CHP1: variants seen among roughly 807,000 people sequenced by gnomAD.
CHP1 encodes calcineurin B homologous protein 1.
In CHP1, 11 loss-of-function variants were observed where a neutral mutation model predicts 27.4. The observed-to-expected ratio is 0.40, with a 90% CI of 0.25 to 0.67. The LOEUF is 0.67. Ranked by LOEUF, CHP1 falls within the 30% of genes least tolerant of loss-of-function variation. The pLI is 0.38. For missense variants in CHP1, 169 were observed against 251.3 expected (o/e 0.67, Z 2.22); for synonymous variants, 89 against 87.4 (o/e 1.02, Z -0.10).
intron 5 of CHP1, among the ~76,000 whole-genome samples, chr15:41,275,716 C>T (rs1220960540): frequency 6.6e-6 from 1 of 152,048 alleles, no homozygotes; most frequent in East Asian, 1.9e-4. Flanking sequence ...GTACTATAGG[C>T]ATGCACTACC....
At chr15:41,269,019 G>T (rs1481026333) in intron 4 of CHP1, among the ~76,000 whole-genome samples, 2 of 151,572 alleles carry the variant, frequency 1.3e-5, no homozygotes, top group African/African-American at 4.9e-5. Flanking sequence ...CACCAGCCTG[G>T]GCAACACAGT....
At chr15:41,235,819 C>T (rs2047273979) in intron 1 of CHP1, among the ~76,000 whole-genome samples, 2 of 152,176 alleles carry the variant, frequency 1.3e-5, no homozygotes, top group Non-Finnish European at 2.9e-5. Context: ...TTTCTCGTGC[C>T]TCCAAATGTA....
chr15:41,272,731 A>G (rs1242104049), intron 5 of CHP1, among the ~76,000 whole-genome samples: 2 of 152,040 alleles, frequency 1.3e-5, no homozygotes, highest in Non-Finnish European at 2.9e-5. Flanking sequence ...ACACCTGTCA[A>G]TCTTATAGAA....
intron 5 of CHP1, among the ~76,000 whole-genome samples, chr15:41,275,787 C>G (rs1468178476): frequency 6.6e-6 from 1 of 152,030 alleles, no homozygotes; most frequent in Non-Finnish European, 1.5e-5. Context: ...GCAATTTTGG[C>G]TCACCACAAC....
intron 3 of CHP1, 87 bp downstream of exon 3, chr15:41,257,077 C>A: frequency 1.0e-6 from 1 of 991,218 alleles, no homozygotes; most frequent in Non-Finnish European, 1.5e-6. Flanking sequence ...ATTGGTTGTG[C>A]CATCTCAGAC....
At chr15:41,253,048 C>T (rs962339009) in intron 2 of CHP1, among the ~76,000 whole-genome samples, 14 of 146,066 alleles carry the variant, frequency 9.6e-5, no homozygotes, top group African/African-American at 3.6e-4. Flanking sequence ...AAGTGATTCT[C>T]CTTTCTCAGC....
intron 5 of CHP1, among the ~76,000 whole-genome samples, chr15:41,277,603 C>T (rs1346840727): frequency 6.6e-6 from 1 of 152,142 alleles, no homozygotes; most frequent in East Asian, 1.9e-4. Flanking sequence ...GCCTGGCCAA[C>T]ATGGCGAAAC....
rs188752952 is a variant in CHP1 at position 41,235,581 on chromosome 15, A to C, written c.67+4132A>C. ...CCTTGATAAACAATTCATGCCATTC[A>C]AGTAGTAATGAATGCAGATTATTTT... On this transcript the variant is annotated intron_variant, in intron 1 of 6. Coordinates refer to ENST00000334660, the MANE Select transcript of CHP1 (RefSeq NM_007236.5). Among the ~76,000 whole-genome samples the C allele has an allele frequency of 3.5e-3, 532 of 152,302 alleles. 6 individuals carry two copies. Among genetic ancestry groups the C allele is most frequent in the African/African-American group, 0.012 (501 of 41,560 alleles).
At chr15:41,246,460 CAG>C (rs1332804477) in intron 2 of CHP1, among the ~76,000 whole-genome samples, 1 of 151,284 alleles carries the variant, frequency 6.6e-6, no homozygotes, top group African/African-American at 2.4e-5. Context: ...GCTAGGATTA[CAG>C]GCGCATGACA....
At chr15:41,248,327 T>C in intron 2 of CHP1, among the ~76,000 whole-genome samples, 1 of 152,166 alleles carries the variant, frequency 6.6e-6, no homozygotes. Flanking sequence ...TTTTTTTTCT[T>C]TTTACTTTTA....
rs771376296 is a variant in CHP1 at position 41,256,973 on chromosome 15, T to C, written c.204T>C (p.Asn68=). ...AINPLGDRII[N]AFFPEGEDQV... The stretch of plus-strand genomic sequence containing the variant: ...ACCCACTGGGGGACCGGATCATCAA[T>C]GCCTTCTTTCCAGAGGGGTGAGTCA... The change falls in exon 3 of 7, where the codon AAT becomes AAC. Residue 68 remains asparagine, a synonymous_variant. Coordinates refer to ENST00000334660, the MANE Select transcript of CHP1 (RefSeq NM_007236.5). 1 of 1,614,066 alleles carries C rather than the reference T, an allele frequency of 6.2e-7. No individual in the cohort carries two copies. Among genetic ancestry groups the C allele is most frequent in the Non-Finnish European group, 8.5e-7 (1 of 1,179,912 alleles).
At chr15:41,247,030 A>G (rs941012660) in intron 2 of CHP1, among the ~76,000 whole-genome samples, 2 of 146,396 alleles carry the variant, frequency 1.4e-5, no homozygotes, top group South Asian at 4.3e-4. Context: ...AAAAAAAAAA[A>G]TGTTGAAAAC....
At chr15:41,250,038 G>A (rs571453143) in intron 2 of CHP1, among the ~76,000 whole-genome samples, 1 of 148,600 alleles carries the variant, frequency 6.7e-6, no homozygotes, top group African/African-American at 2.5e-5. Context: ...GACTCACTCC[G>A]AAGCATGCTT....
intron 3 of CHP1, among the ~76,000 whole-genome samples, chr15:41,260,768 CAT>C (rs1203924641): frequency 6.6e-6 from 1 of 151,622 alleles, no homozygotes; most frequent in Non-Finnish European, 1.5e-5. Context: ...CAGAATTATG[CAT>C]ATGTTTTAAA....
intron 4 of CHP1, chr15:41,264,287 G>A (rs1227399945): frequency 9.8e-6 from 10 of 1,020,636 alleles, no homozygotes; most frequent in Non-Finnish European, 1.2e-5. Flanking sequence ...GAGAGTGCGA[G>A]TGCCGAGGAG....
intron 2 of CHP1, among the ~76,000 whole-genome samples, chr15:41,247,521 A>T (rs1021386524): frequency 2.0e-5 from 3 of 150,424 alleles, no homozygotes; most frequent in Non-Finnish European, 4.4e-5. Context: ...AATACAAAAA[A>T]ATTAACCAGG....
At chr15:41,253,698 C>T (rs2047383194) in intron 2 of CHP1, among the ~76,000 whole-genome samples, 1 of 151,896 alleles carries the variant, frequency 6.6e-6, no homozygotes, top group African/African-American at 2.4e-5. Context: ...TCATGATCCT[C>T]CCGCCTCGGC....
At chr15:41,251,359 C>T (rs1345943295) in intron 2 of CHP1, among the ~76,000 whole-genome samples, 2 of 152,154 alleles carry the variant, frequency 1.3e-5, no homozygotes, top group African/African-American at 4.8e-5. Context: ...CCATAGATTA[C>T]ATCAGAACAA....
At chr15:41,256,022 A>G (rs1420877962) in intron 2 of CHP1, among the ~76,000 whole-genome samples, 1 of 152,204 alleles carries the variant, frequency 6.6e-6, no homozygotes, top group Non-Finnish European at 1.5e-5. Context: ...GTCTCAAAAA[A>G]AAGTTCAATA....
Sources: allele counts gnomAD v4.1 joint callset (sites outside exome capture counted in the v4.1 genomes callset), GRCh38; gene constraint gnomAD v4.1.1; transcripts MANE v1.5; gene names NCBI Gene and HGNC (gene_info 2026-07-23, HGNC 2026-07-21).